The following DOCK6 variants were observed in gnomAD, a reference collection of about 807,000 sequenced individuals.
DOCK6 encodes dedicator of cytokinesis protein 6.
A neutral mutation model predicts 230.3 loss-of-function variants in DOCK6; 167 were observed. The observed-to-expected ratio is 0.73, with a 90% confidence interval of 0.64 to 0.82. The LOEUF (loss-of-function observed/expected upper bound fraction) is 0.82, where lower values mean the gene tolerates loss of function less well. Among genes scored for constraint, DOCK6 ranks in the 40% least tolerant of loss-of-function variants. The pLI is 0.00. For missense variants in DOCK6, 2,598 were observed against 2,825.8 expected (o/e 0.92, Z 1.83); for synonymous variants, 1,148 against 1,185.0 (o/e 0.97, Z 0.64).
chr19:11,214,277 T>C lies in DOCK6; in HGVS notation c.4336A>G (p.Lys1446Glu), dbSNP rs1165957003. The C allele has an allele frequency of 3.1e-6, 5 of 1,609,164 alleles. No individual in the cohort carries two copies. Among genetic ancestry groups the C allele is most frequent in the Non-Finnish European group, 4.2e-6 (5 of 1,178,020 alleles). Residue 1446 changes from lysine to glutamate, a missense_variant and splice_region_variant, in exon 34 of 48, where the codon AAG (lysine) becomes GAG (glutamate). Coordinates refer to ENST00000294618, the MANE Select transcript of DOCK6 (RefSeq NM_020812.4). Reference sequence around the variant, plus strand: ...CATGGTTGTTGAGTGGTGCTCACCTTGGACACAAGGGCCCTCTGGGTGGCC... The same window carrying C: ...CATGGTTGTTGAGTGGTGCTCACCTCGGACACAAGGGCCCTCTGGGTGGCC... The part of the protein sequence containing the change: ...GLATQRALVS[K>E]FPELLFEEDT...
Position 11,246,456 on chromosome 19 carries a change from C to T in DOCK6, c.807-578G>A, listed in dbSNP as rs374658486. 5.9e-4 allele frequency among the ~76,000 whole-genome samples: 90 copies of T among 152,130 alleles called. 3 individuals are homozygous for T. In the South Asian group the frequency reaches 0.013, roughly 22 times the overall value. On this transcript the variant is annotated intron_variant, in intron 7 of 47. Coordinates refer to ENST00000294618, the MANE Select transcript of DOCK6 (RefSeq NM_020812.4). ...TTTTTAGACAGAGTCTCCCCTGTTG[C>T]CCAGGCTGAAGTGCGTGGTGGGATT...
chr19:11,213,104 T>C (rs2079419496), intron 35 of DOCK6, 72 bp downstream of exon 35: 1 of 1,546,932 alleles, frequency 6.5e-7, no homozygotes, highest in Non-Finnish European at 8.8e-7. Context: ...CCTCACTCCC[T>C]GTATGGTTGA....
At chr19:11,255,307 C>CTTT (rs34628990) in intron 1 of DOCK6, among the ~76,000 whole-genome samples, 3 of 135,980 alleles carry the variant, frequency 2.2e-5, no homozygotes, top group African/African-American at 5.5e-5. Flanking sequence ...TCCCGGCCTA[C>CTTT]TTTTTTTTTT....
chr19:11,244,041 A>G (rs2079994272), intron 9 of DOCK6, among the ~76,000 whole-genome samples, 159 bp from the exon 10 acceptor site: 1 of 152,166 alleles, frequency 6.6e-6, no homozygotes, highest in Admixed American at 6.5e-5. Context: ...TGTCCTTGGG[A>G]TCAAGGGTTA....
In DOCK6 at chr19:11,258,341, C is replaced by T. The variant is rs556591726; in HGVS notation, c.44+4056G>A. 3.9e-5 allele frequency among the ~76,000 whole-genome samples: 6 copies of T among 152,220 alleles called. No homozygotes were observed. The South Asian group carries it at 1.2e-3, about 32-fold the overall frequency. On this transcript the variant is annotated intron_variant, in intron 1 of 47. Coordinates refer to ENST00000294618, the MANE Select transcript of DOCK6 (RefSeq NM_020812.4). ...GGGAGCCAGGAAGGTGGAGATAGTC[C>T]CCATGGGAAATTGACCAAGTGGCCA... is the stretch of plus-strand genomic sequence containing the variant.
At chr19:11,260,915 A>AAG in intron 1 of DOCK6, among the ~76,000 whole-genome samples, 2 of 150,950 alleles carry the variant, frequency 1.3e-5, no homozygotes, top group Non-Finnish European at 3.0e-5. Flanking sequence ...AAAGAAAAGA[A>AAG]AAAGAAAAGG....
intron 14 of DOCK6, chr19:11,239,982 G>A: frequency 3.2e-6 from 5 of 1,553,904 alleles, no homozygotes; most frequent in Non-Finnish European, 3.5e-6. Flanking sequence ...AGTCCAAAGA[G>A]GAGTTCGTGT....
In DOCK6 at chr19:11,199,365, C is replaced by T; in HGVS notation, c.*132G>A. The T allele has an allele frequency of 1.8e-6, 2 of 1,094,238 alleles. No homozygotes were observed. The highest frequency in any genetic ancestry group is 2.7e-6 in the Non-Finnish European group (2 of 738,208). 67.8% of individuals were successfully genotyped at this position (1,094,238 alleles called of 1,614,324 possible). A position where few individuals can be genotyped will look rare whatever the true frequency, so the allele number is the denominator to read the frequency against. On this transcript the variant is annotated 3_prime_UTR_variant, in exon 48 of 48. Coordinates refer to ENST00000294618, the MANE Select transcript of DOCK6 (RefSeq NM_020812.4). ...GTGCACACAGATGGGGACACAGGGG[C>T]AGAGGGCCCAGCCCCAAGTACAGTG...
chr19:11,228,431 A>G (rs970773014), intron 23 of DOCK6, among the ~76,000 whole-genome samples: 11 of 151,830 alleles, frequency 7.2e-5, no homozygotes, highest in Non-Finnish European at 1.3e-4. Flanking sequence ...CTCTCTCTAA[A>G]GGTGGTTTCA....
Position 11,202,049 on chromosome 19 carries a change from C to T in DOCK6, c.5528G>A (p.Arg1843His), listed in dbSNP as rs368166109. 5.6e-6 allele frequency: 9 copies of T among 1,614,026 alleles called. No individual in the cohort carries two copies. Among genetic ancestry groups the T allele is most frequent in the South Asian group, 3.3e-5 (3 of 91,088 alleles). Residue 1843 changes from arginine to histidine, a missense_variant, in exon 44 of 48, where the codon CGC becomes CAC. Coordinates refer to ENST00000294618, the MANE Select transcript of DOCK6 (RefSeq NM_020812.4). The surrounding 1 kb of genome is among the most constrained non-coding windows in gnomAD (Gnocchi z 5.3). ...ELKDRVTYFDRNYGLRTFLFC... is the reference protein window; with the variant it reads ...ELKDRVTYFDHNYGLRTFLFC... The stretch of plus-strand genomic sequence containing the variant: ...CAGGAATGTGCGAAGCCCATAGTTG[C>T]GGTCAAAGTAGGTCACCCGGTCCTT...
chr19:11,241,560 C>A, intron 14 of DOCK6: 1 of 1,553,906 alleles, frequency 6.4e-7, no homozygotes, highest in Non-Finnish European at 8.7e-7. Context: ...GAGAGGTGAG[C>A]CTGGCAGGGG....
chr19:11,262,318 G>T, intron 1 of DOCK6, 79 bp downstream of exon 1: 1 of 999,292 alleles, frequency 1.0e-6, no homozygotes. Flanking sequence ...GGGGGCGCCC[G>T]GGCGGGGAGG....
intron 24 of DOCK6, 92 bp from the exon 25 acceptor site, chr19:11,223,198 G>T: frequency 8.8e-7 from 1 of 1,134,858 alleles, no homozygotes; most frequent in African/African-American, 1.5e-5. Flanking sequence ...ACCCCTAGGA[G>T]CTGTATCACT....
At chr19:11,210,252 C>T (rs1236199579) in intron 37 of DOCK6, among the ~76,000 whole-genome samples, 5 of 148,288 alleles carry the variant, frequency 3.4e-5, no homozygotes, top group African/African-American at 1.2e-4. Context: ...GTCTCTTCAC[C>T]TGTCCACCCC....
rs1455798978 is a variant in DOCK6 at position 11,236,768 on chromosome 19, T to C, written c.2160+25A>G. On this transcript the variant is annotated intron_variant, in intron 19 of 47. Transcript: ENST00000294618. This position sits in a 1 kb window ranked among gnomAD's most constrained non-coding sequence, Gnocchi z 5.2. Reference sequence around the variant, plus strand: ...AGGCAAGAGGGGAGCAGGGCGGGACTCTTGGTTCCCGGCCCACCCCGTACC... The same window carrying C: ...AGGCAAGAGGGGAGCAGGGCGGGACCCTTGGTTCCCGGCCCACCCCGTACC... 1 of 1,551,406 alleles carries C rather than the reference T, an allele frequency of 6.4e-7. No individual in the cohort carries two copies.
intron 1 of DOCK6, 112 bp from the exon 2 acceptor site, chr19:11,253,838 G>T: frequency 1.3e-6 from 1 of 757,126 alleles, no homozygotes; most frequent in Non-Finnish European, 2.1e-6. Flanking sequence ...TAGGCCGAGG[G>T]CCAAGAGAAC....
At chr19:11,241,258 T>C (rs987359368) in intron 14 of DOCK6, among the ~76,000 whole-genome samples, 7 of 150,572 alleles carry the variant, frequency 4.6e-5, no homozygotes, top group Non-Finnish European at 3.0e-5. Context: ...AAAAAATCCA[T>C]AGGATGTTCA....
chr19:11,238,166 C>T (rs374145298), intron 15 of DOCK6, 21 bp downstream of exon 15: 2 of 1,613,838 alleles, frequency 1.2e-6, no homozygotes, highest in South Asian at 1.1e-5. Flanking sequence ...TACCCCCCTT[C>T]CCTGGGGCAC....
In DOCK6 at chr19:11,253,718, G is replaced by A. The variant is rs2080157680; in HGVS notation, c.53C>T (p.Ala18Val). Residue 18 changes from alanine to valine, a missense_variant, in exon 2 of 48, where the codon GCC becomes GTC. By Grantham distance (64) the Ala-to-Val change is moderately conservative. Coordinates refer to ENST00000294618, the MANE Select transcript of DOCK6 (RefSeq NM_020812.4). ...GGACACCTGCTTCCGCACCTCTGCG[G>A]CCACCGTCCTGGAAAGATAGGGAGG... ...AFAHKINRTV[A>V]AEVRKQVSRE... 1.4e-6 allele frequency: 2 copies of A among 1,473,924 alleles called. No homozygotes were observed. Among genetic ancestry groups the A allele is most frequent in the South Asian group, 2.8e-5 (2 of 70,848 alleles). The allele number at this position is 1,473,924 out of a possible 1,614,324, so 91.3% of individuals were successfully genotyped here.
Sources: gnomAD v4.1 joint callset for allele counts (sites outside exome capture counted in the v4.1 genomes callset) on GRCh38, gnomAD v4.1.1 for gene constraint, Gnocchi (gnomAD v3.1) non-coding constraint, MANE v1.5 for transcripts, NCBI Gene and HGNC (gene_info 2026-07-23, HGNC 2026-07-21) for gene names.